The following WIPI1 variants were observed in gnomAD, a reference collection of about 807,000 sequenced individuals.
WIPI1 encodes WD repeat domain phosphoinositide-interacting protein 1.
WIPI1 carries 45 observed loss-of-function variants against 55.3 expected under a neutral mutation model. That is an observed-to-expected ratio of 0.81 (90% CI 0.64 to 1.04). WIPI1 has a LOEUF of 1.04. Ranked by LOEUF, WIPI1 falls within the 50% of genes least tolerant of loss-of-function variation. The pLI, the probability that WIPI1 is intolerant of heterozygous loss-of-function variation, is 0.00. For synonymous variants in WIPI1, 195 were observed against 217.6 expected, an observed-to-expected ratio of 0.90 and a Z score of 0.92; for missense variants, 445 against 559.0, an observed-to-expected ratio of 0.80 and a Z score of 2.06.
intron 11 of WIPI1, 38 bp from the exon 12 acceptor site, chr17:68,426,213 G>A (rs2083165676): frequency 1.5e-6 from 2 of 1,293,484 alleles, no homozygotes; most frequent in Non-Finnish European, 2.2e-6. Flanking sequence ...AAGCACTGGG[G>A]ATCTGCTTTT....
At chr17:68,429,066 C>G (rs1294686681) in intron 9 of WIPI1, 130 bp from the exon 10 acceptor site, 8 of 656,522 alleles carry the variant, frequency 1.2e-5, no homozygotes, top group Non-Finnish European at 2.1e-5. Flanking sequence ...GCCCACTGAT[C>G]TGGTCTGGGC....
In WIPI1 at chr17:68,443,761, A is replaced by G. The variant is rs566233374; in HGVS notation, c.430+732T>C. Among the ~76,000 whole-genome samples the G allele has an allele frequency of 5.4e-4, 83 of 152,380 alleles. 1 individual carries two copies. The South Asian group carries it at 0.016, about 30-fold the overall frequency. On this transcript the variant is annotated intron_variant, in intron 4 of 12. Coordinates refer to ENST00000262139, the MANE Select transcript of WIPI1 (RefSeq NM_017983.7). Reference sequence around the variant, plus strand: ...GAAATATAATAGAAGCAGTTGTTCAATGATACCAAACTGAAATATAATCTG... The same window carrying G: ...GAAATATAATAGAAGCAGTTGTTCAGTGATACCAAACTGAAATATAATCTG...
chr17:68,426,894 C>T (rs746213179), intron 11 of WIPI1, among the ~76,000 whole-genome samples: 5 of 152,178 alleles, frequency 3.3e-5, no homozygotes, highest in Non-Finnish European at 5.9e-5. Flanking sequence ...AAGACCGTAT[C>T]GTGTGATGCC....
chr17:68,426,253 G>GGGCCCCCCCCCCC, intron 11 of WIPI1, 78 bp from the exon 12 acceptor site: 1 of 841,018 alleles, frequency 1.2e-6, no homozygotes, highest in Non-Finnish European at 1.9e-6. Context: ...GGGGAGCGGG[G>GGGCCCCCCCCCCC]GCTCAAATAA....
chr17:68,426,126 A>AAC lies in WIPI1; in HGVS notation c.1241_1242insGT (p.His414GlnfsTer20). On this transcript the variant is annotated frameshift_variant, in exon 12 of 13. Transcript: ENST00000262139. LOFTEE classifies it high-confidence loss of function. ...GACACACTGGTCCCGTCGCAAACTC[A>AAC]TGTTCAGGAATAACTTCTCCTCGCA... 6.2e-7 allele frequency: 1 copy of AAC among 1,611,834 alleles called. No individual in the cohort carries two copies. Among genetic ancestry groups the AAC allele is most frequent in the Non-Finnish European group, 8.5e-7 (1 of 1,179,618 alleles).
intron 6 of WIPI1, among the ~76,000 whole-genome samples, chr17:68,435,256 C>G (rs891161209): frequency 6.6e-6 from 1 of 151,504 alleles, no homozygotes; most frequent in Admixed American, 6.6e-5. Context: ...TTATTCCAGG[C>G]AGAAGACATC....
At chr17:68,450,703 A>T in intron 3 of WIPI1, 25 bp downstream of exon 3, 1 of 1,586,104 alleles carries the variant, frequency 6.3e-7, no homozygotes, top group Non-Finnish European at 8.6e-7. Context: ...GAAGCTTTGA[A>T]ACCCTGAGGG....
intron 9 of WIPI1, among the ~76,000 whole-genome samples, chr17:68,429,786 A>T (rs2083427841): frequency 6.6e-6 from 1 of 152,074 alleles, no homozygotes; most frequent in Admixed American, 6.5e-5. Context: ...ACGGGATTTC[A>T]CCACGTTGGC....
chr17:68,424,424 G>A (rs1188079708), intron 12 of WIPI1: 1 of 534,532 alleles, frequency 1.9e-6, no homozygotes, highest in South Asian at 1.4e-5. Context: ...GGAGAAAGAA[G>A]CCAGACCTGC....
chr17:68,456,085 T>C (rs2084638677), intron 1 of WIPI1, among the ~76,000 whole-genome samples: 1 of 152,234 alleles, frequency 6.6e-6, no homozygotes, highest in Non-Finnish European at 1.5e-5. Flanking sequence ...ACATGATATT[T>C]TGTGAATAGT....
chr17:68,454,219 C>T (rs2084591315), intron 1 of WIPI1, among the ~76,000 whole-genome samples: 1 of 152,140 alleles, frequency 6.6e-6, no homozygotes. Context: ...CCAGCTGTGC[C>T]CTCCGCACCT....
intron 4 of WIPI1, 84 bp from the exon 5 acceptor site, chr17:68,436,563 G>C: frequency 8.0e-7 from 1 of 1,251,118 alleles, no homozygotes; most frequent in Non-Finnish European, 1.1e-6. Flanking sequence ...AAACAGTACA[G>C]CTACAGTGCC....
intron 8 of WIPI1, among the ~76,000 whole-genome samples, chr17:68,432,890 C>G (rs552680496): frequency 2.0e-5 from 3 of 152,144 alleles, no homozygotes; most frequent in Admixed American, 6.5e-5. Context: ...CCATTCTGCA[C>G]AGGTGTAACT....
intron 12 of WIPI1, chr17:68,422,719 ACT>A (rs2082882405): frequency 8.4e-6 from 1 of 119,040 alleles, no homozygotes; most frequent in Non-Finnish European, 1.6e-5. Context: ...ACAGAGTGAG[ACT>A]CTATCATCTC....
intron 8 of WIPI1, 70 bp from the exon 9 acceptor site, chr17:68,430,230 C>T (rs1333968915): frequency 5.3e-6 from 8 of 1,500,242 alleles, no homozygotes; most frequent in Non-Finnish European, 7.2e-6. Flanking sequence ...AATCTCCACA[C>T]CCAAGCGTCA....
At chr17:68,448,703 A>G (rs2084381084) in intron 3 of WIPI1, among the ~76,000 whole-genome samples, 2 of 152,238 alleles carry the variant, frequency 1.3e-5, no homozygotes, top group South Asian at 4.1e-4. Flanking sequence ...CAATCTTAAA[A>G]AGATCATCAG....
At position 68,452,941 on chromosome 17, in the gene WIPI1, A is replaced by G. The variant is rs1200642474; in HGVS notation, c.132T>C (p.Ser44=). 1.2e-6 allele frequency: 2 copies of G among 1,614,026 alleles called. No individual in the cohort carries two copies. The highest frequency in any genetic ancestry group is 1.7e-6 in the Non-Finnish European group (2 of 1,180,028). Residue 44 remains serine (S), a synonymous_variant, in exon 2 of 13, where the codon TCT becomes TCC. Transcript: ENST00000262139. The part of the protein sequence containing the change: ...KAGYKLFSLS[S]VEQLDQVHGS... ...CGTGGACTTGATCCAGCTGCTCCACAGAACTCAGAGAAAACAGCTTATACC... is the reference window on the plus strand; with the variant it reads ...CGTGGACTTGATCCAGCTGCTCCACGGAACTCAGAGAAAACAGCTTATACC...
chr17:68,436,770 G>A (rs1206185796), intron 4 of WIPI1, among the ~76,000 whole-genome samples: 1 of 152,136 alleles, frequency 6.6e-6, no homozygotes, highest in Non-Finnish European at 1.5e-5. Context: ...TTTGAGGCGG[G>A]CGGATCACTT....
chr17:68,434,158 T>A (rs2083669909), intron 7 of WIPI1, among the ~76,000 whole-genome samples: 1 of 152,148 alleles, frequency 6.6e-6, no homozygotes, highest in African/African-American at 2.4e-5. Flanking sequence ...CATCTTGGAA[T>A]CTTCCAGTTG....
Sources: gnomAD v4.1 joint callset for allele counts (sites outside exome capture counted in the v4.1 genomes callset) on GRCh38, gnomAD v4.1.1 for gene constraint, MANE v1.5 for transcripts, NCBI Gene and HGNC (gene_info 2026-07-23, HGNC 2026-07-21) for gene names.